The following TRPM3 variants were observed in gnomAD, a reference collection of about 807,000 sequenced individuals.
TRPM3 encodes long transient receptor potential channel 3.
Under a neutral mutation model 181.2 loss-of-function variants are expected in TRPM3, and 77 were observed. The observed-to-expected ratio is 0.42, with a 90% CI of 0.35 to 0.51. The LOEUF (loss-of-function observed/expected upper bound fraction) is 0.51. Ranked by LOEUF, TRPM3 falls within the 20% of genes least tolerant of loss-of-function variation. TRPM3 has a pLI of 0.01. For missense variants in TRPM3, 1,759 were observed against 2,196.7 expected (o/e 0.80, Z 3.98); for synonymous variants, 745 against 796.4 (o/e 0.94, Z 1.09).
chr9:71,328,160 T>C (rs1353335424), intron 1 of TRPM3, among the ~76,000 whole-genome samples: 1 of 151,904 alleles, frequency 6.6e-6, no homozygotes, highest in African/African-American at 2.4e-5. Flanking sequence ...GACCTCTCTG[T>C]TTTTTGTTTG....
At chr9:70,673,753 C>A (rs1422747142) in intron 9 of TRPM3, among the ~76,000 whole-genome samples, 4 of 151,670 alleles carry the variant, frequency 2.6e-5, no homozygotes, top group Non-Finnish European at 4.4e-5. Flanking sequence ...ATAGTGAAAC[C>A]CCATCTCTAC....
chr9:71,293,482 G>T (rs1377286036), intron 1 of TRPM3, among the ~76,000 whole-genome samples: 1 of 151,650 alleles, frequency 6.6e-6, no homozygotes, highest in Admixed American at 6.6e-5. Context: ...AATAAAAAAG[G>T]TTGGTGGTAC....
intron 9 of TRPM3, among the ~76,000 whole-genome samples, chr9:70,677,522 C>T (rs1247808142): frequency 6.6e-6 from 1 of 152,236 alleles, no homozygotes; most frequent in Non-Finnish European, 1.5e-5. Context: ...TGTCCTGCAT[C>T]AGCAGGAATG....
intron 22 of TRPM3, among the ~76,000 whole-genome samples, chr9:70,582,035 T>A (rs1179686395): frequency 6.6e-6 from 1 of 151,932 alleles, no homozygotes; most frequent in East Asian, 1.9e-4. Flanking sequence ...TATACTACAA[T>A]CATGACTTTT....
chr9:71,367,959 G>A (rs79242385), intron 1 of TRPM3, among the ~76,000 whole-genome samples: 1 of 138,286 alleles, frequency 7.2e-6, no homozygotes, highest in Non-Finnish European at 1.6e-5. Context: ...GTGTGTGTGT[G>A]TATATATATA....
chr9:70,805,257 A>T (rs1050114133), intron 6 of TRPM3, among the ~76,000 whole-genome samples: 4 of 149,900 alleles, frequency 2.7e-5, no homozygotes, highest in Non-Finnish European at 5.9e-5. Flanking sequence ...AGACAGAGAG[A>T]GACAGAGAGA....
At chr9:71,199,616 C>T (rs2078641314) in intron 1 of TRPM3, among the ~76,000 whole-genome samples, 1 of 152,172 alleles carries the variant, frequency 6.6e-6, no homozygotes, top group South Asian at 2.1e-4. Flanking sequence ...GTGTATGTGT[C>T]AAGGAATTTA....
rs1479936622 is a variant in TRPM3 at position 70,532,546 on chromosome 9, A to G, written c.*3407T>C. On this transcript the variant is annotated 3_prime_UTR_variant, in exon 26 of 26. Transcript: ENST00000677713. ...TTGTACCCAAGCTTTCCAGCTCCTC[A>G]TTCAAATCTATCAAGGAGGGGCCCT... The G allele has an allele frequency of 6.6e-6, 1 of 152,220 alleles. No individual in the cohort carries two copies. The highest frequency in any genetic ancestry group is 1.5e-5 in the Non-Finnish European group (1 of 68,038). 9.4% of individuals were successfully genotyped at this position (152,220 alleles called of 1,614,324 possible).
intron 8 of TRPM3, among the ~76,000 whole-genome samples, chr9:70,687,065 G>GA (rs1240146952): frequency 6.6e-6 from 1 of 151,932 alleles, no homozygotes; most frequent in Non-Finnish European, 1.5e-5. Context: ...AACGTGTTGG[G>GA]ATCACGGGTG....
chr9:70,767,203 C>A (rs1415798861), intron 7 of TRPM3, among the ~76,000 whole-genome samples: 2 of 152,174 alleles, frequency 1.3e-5, no homozygotes, highest in Non-Finnish European at 2.9e-5. Flanking sequence ...AACTTTCCCA[C>A]TTTAGAGAGG....
intron 1 of TRPM3, among the ~76,000 whole-genome samples, chr9:71,200,896 G>A (rs1268567479): frequency 2.0e-5 from 3 of 150,552 alleles, no homozygotes; most frequent in Admixed American, 6.6e-5. Flanking sequence ...ATTGTTATGT[G>A]TGAATTTGAT....
intron 1 of TRPM3, among the ~76,000 whole-genome samples, chr9:71,313,591 C>A (rs1480705345): frequency 1.3e-5 from 2 of 152,112 alleles, no homozygotes; most frequent in South Asian, 4.1e-4. Context: ...ACAGTTAAGA[C>A]ATTTCTGTTG....
intron 1 of TRPM3, among the ~76,000 whole-genome samples, chr9:70,975,024 C>T (rs1478955963): frequency 1.3e-5 from 2 of 151,846 alleles, no homozygotes; most frequent in Non-Finnish European, 2.9e-5. Context: ...CCCATCACCA[C>T]ATCTGGCTAA....
At chr9:70,990,850 C>T (rs1408576498) in intron 1 of TRPM3, among the ~76,000 whole-genome samples, 1 of 152,180 alleles carries the variant, frequency 6.6e-6, no homozygotes, top group Non-Finnish European at 1.5e-5. Flanking sequence ...ACAACTGTCT[C>T]ACTCCTGACA....
intron 1 of TRPM3, among the ~76,000 whole-genome samples, chr9:71,280,438 A>G (rs2084615281): frequency 6.6e-6 from 1 of 152,202 alleles, no homozygotes; most frequent in Non-Finnish European, 1.5e-5. Context: ...GCACGCCTAC[A>G]AATCACAGAA....
intron 6 of TRPM3, among the ~76,000 whole-genome samples, chr9:70,798,099 G>A (rs937615355): frequency 2.6e-5 from 4 of 152,156 alleles, no homozygotes; most frequent in African/African-American, 7.2e-5. Context: ...CCATCACCCA[G>A]GTTGGAGTGC....
At chr9:70,807,144 T>C (rs2090867169) in intron 6 of TRPM3, among the ~76,000 whole-genome samples, 1 of 152,212 alleles carries the variant, frequency 6.6e-6, no homozygotes, top group Non-Finnish European at 1.5e-5. Flanking sequence ...TTCTACTAAA[T>C]GGAATGATCC....
At chr9:71,435,288 T>G (rs1302358212) in intron 1 of TRPM3, among the ~76,000 whole-genome samples, 1 of 152,230 alleles carries the variant, frequency 6.6e-6, no homozygotes, top group Non-Finnish European at 1.5e-5. Context: ...GATATCATGT[T>G]ATATGCCAAA....
intron 1 of TRPM3, among the ~76,000 whole-genome samples, chr9:71,066,563 C>G (rs972230746): frequency 6.6e-6 from 1 of 152,116 alleles, no homozygotes; most frequent in African/African-American, 2.4e-5. Context: ...TGTTTTGCAA[C>G]AGCTTAGAAC....
Sources: gnomAD v4.1 joint callset for allele counts (sites outside exome capture counted in the v4.1 genomes callset) on GRCh38, gnomAD v4.1.1 for gene constraint, MANE v1.5 for transcripts, NCBI Gene and HGNC (gene_info 2026-07-23, HGNC 2026-07-21) for gene names.